The following ADGRL4 variants were observed in gnomAD, a reference collection of about 807,000 sequenced individuals.
ADGRL4 encodes EGF, latrophilin and seven transmembrane domain containing 1.
ADGRL4 carries 90 observed loss-of-function variants against 74.8 expected under a neutral mutation model. The observed-to-expected ratio is 1.20, with a 90% CI of 1.02 to 1.43. The LOEUF (loss-of-function observed/expected upper bound fraction) is 1.43. Ranked by LOEUF, ADGRL4 falls within the 40% of genes most tolerant of loss-of-function variation. ADGRL4 has a pLI of 0.00. For synonymous variants in ADGRL4, 311 were observed against 279.2 expected, an observed-to-expected ratio of 1.11 and a Z score of -1.14; for missense variants, 881 against 814.3, an observed-to-expected ratio of 1.08 and a Z score of -1.00.
intron 2 of ADGRL4, among the ~76,000 whole-genome samples, chr1:78,951,430 C>T (rs148653450): frequency 4.6e-4 from 70 of 152,258 alleles, no homozygotes; most frequent in African/African-American, 1.7e-3. Flanking sequence ...TGCCAGTAAA[C>T]TACACAGGGG....
intron 2 of ADGRL4, among the ~76,000 whole-genome samples, chr1:78,997,844 G>A (rs910063932): frequency 6.6e-6 from 1 of 152,142 alleles, no homozygotes. Flanking sequence ...AGAGATTTCA[G>A]AGTTTTCTGT....
Position 78,936,296 on chromosome 1 carries a change from A to G in ADGRL4, c.876T>C (p.Asn292=). 6.3e-7 allele frequency: 1 copy of G among 1,590,974 alleles called. No individual in the cohort carries two copies. The highest frequency in any genetic ancestry group is 8.5e-7 in the Non-Finnish European group (1 of 1,171,836). ...FPKRKAAYDS[N]GNVAVAFVYY... ...TCTGTTAGATTGTTAAAGTCCTACC[A>G]TTTGAATCATATGCAGCTTTTCTCT... Residue 292 remains asparagine (N), a splice_region_variant and synonymous_variant, in exon 7 of 15, where the codon AAT becomes AAC. Transcript: ENST00000370742.
intron 12 of ADGRL4, among the ~76,000 whole-genome samples, chr1:78,906,357 T>G (rs984656): frequency 0.039 from 5,911 of 152,122 alleles, 154 homozygotes; most frequent in Middle Eastern, 0.058. Flanking sequence ...ATAGTGGTTT[T>G]TTTTAGTGTT....
At chr1:78,908,715 G>A (rs1181420714) in intron 12 of ADGRL4, among the ~76,000 whole-genome samples, 3 of 151,870 alleles carry the variant, frequency 2.0e-5, no homozygotes, top group African/African-American at 7.2e-5. Context: ...TCAATGTAAA[G>A]CTACATTTAT....
chr1:78,954,782 A>G (rs550980786), intron 2 of ADGRL4, among the ~76,000 whole-genome samples: 28 of 152,264 alleles, frequency 1.8e-4, no homozygotes, highest in African/African-American at 6.7e-4. Flanking sequence ...ATTTTAGCTT[A>G]AAAGCTATAG....
intron 2 of ADGRL4, among the ~76,000 whole-genome samples, chr1:78,965,750 A>C (rs1040208557): frequency 2.0e-5 from 3 of 152,208 alleles, no homozygotes; most frequent in Non-Finnish European, 4.4e-5. Flanking sequence ...AGAAACCTTT[A>C]AAATGACATT....
intron 7 of ADGRL4, among the ~76,000 whole-genome samples, chr1:78,930,532 A>G (rs1462708183): frequency 1.4e-5 from 2 of 144,578 alleles, no homozygotes. Flanking sequence ...GCTCACTGCA[A>G]CCTACATCTC....
intron 2 of ADGRL4, among the ~76,000 whole-genome samples, chr1:78,990,826 T>A (rs1650593423): frequency 6.6e-6 from 1 of 151,936 alleles, no homozygotes; most frequent in Non-Finnish European, 1.5e-5. Context: ...TCTCAATAGG[T>A]TTCTGTGTTT....
chr1:78,953,443 G>A (rs761117809), intron 2 of ADGRL4, among the ~76,000 whole-genome samples: 2 of 152,086 alleles, frequency 1.3e-5, no homozygotes, highest in African/African-American at 2.4e-5. Context: ...GTTCACAAAC[G>A]AAAAACTATT....
intron 7 of ADGRL4, among the ~76,000 whole-genome samples, chr1:78,934,062 A>C (rs867192172): frequency 2.6e-5 from 4 of 152,194 alleles, no homozygotes; most frequent in Non-Finnish European, 5.9e-5. Context: ...TCACAGAATT[A>C]GAAAAAAAAT....
At chr1:78,998,184 C>G (rs1169209197) in intron 2 of ADGRL4, among the ~76,000 whole-genome samples, 1 of 151,706 alleles carries the variant, frequency 6.6e-6, no homozygotes. Context: ...CCTTTTGTGG[C>G]ATTTGACGCT....
intron 2 of ADGRL4, among the ~76,000 whole-genome samples, chr1:78,994,050 C>T (rs1650667743): frequency 6.6e-6 from 1 of 152,182 alleles, no homozygotes; most frequent in Non-Finnish European, 1.5e-5. Context: ...TTTCAGCTAA[C>T]TCTGTCTTAG....
Position 78,937,928 on chromosome 1 carries a change from T to A in ADGRL4, c.639A>T (p.Leu213Phe), listed in dbSNP as rs547315904. The change falls in exon 6 of 15, where the codon TTA (leucine) becomes TTT (phenylalanine). Residue 213 changes from leucine (L) to phenylalanine (F), a missense_variant. By Grantham distance (22) the Leu-to-Phe change is conservative. Coordinates refer to ENST00000370742, the MANE Select transcript of ADGRL4 (RefSeq NM_022159.4). ...QRDTFVVWDK[L>F]SVNHRRTHLT... ...GATGTGTTCTCCTATGATTCACAGATAACTTGTCCCAAACTACAAATGTAT... is the reference window on the plus strand; with the variant it reads ...GATGTGTTCTCCTATGATTCACAGAAAACTTGTCCCAAACTACAAATGTAT... The A allele has an allele frequency of 1.2e-5, 20 of 1,613,996 alleles. No homozygotes were observed. The South Asian group carries it at 1.8e-4, about 14-fold the overall frequency.
chr1:78,909,465 C>T (rs1006751564), intron 12 of ADGRL4, among the ~76,000 whole-genome samples: 15 of 151,806 alleles, frequency 9.9e-5, no homozygotes, highest in African/African-American at 3.6e-4. Flanking sequence ...CTACTGGCAT[C>T]TAGTGAGTAG....
intron 10 of ADGRL4, among the ~76,000 whole-genome samples, chr1:78,918,485 A>G (rs1648932443): frequency 6.6e-6 from 1 of 152,060 alleles, no homozygotes; most frequent in East Asian, 1.9e-4. Flanking sequence ...AAGAAAATAA[A>G]TATCTTAGAT....
intron 10 of ADGRL4, among the ~76,000 whole-genome samples, chr1:78,919,174 T>C (rs977021830): frequency 4.6e-5 from 7 of 152,122 alleles, no homozygotes; most frequent in African/African-American, 1.4e-4. Flanking sequence ...AACTGATTGT[T>C]AGTTTCAGTC....
rs200797250 is a variant in ADGRL4, at chr1:78,986,462, AG to A, written c.172+18607del. Among the ~76,000 whole-genome samples, 546 of 151,602 alleles carry A rather than the reference AG, an allele frequency of 3.6e-3. 4 individuals carry two copies. The highest frequency in any genetic ancestry group is 0.013 in the African/African-American group (520 of 41,430). ...GAAATACAATAAGAAAAAAGAAAAA[AG>A]AAAATTAACTGGGTGTGTTGGTACA... On this transcript the variant is annotated intron_variant, in intron 2 of 14. Coordinates refer to ENST00000370742, the MANE Select transcript of ADGRL4 (RefSeq NM_022159.4).
chr1:78,927,630 C>T (rs1160082799), intron 7 of ADGRL4, among the ~76,000 whole-genome samples: 1 of 152,050 alleles, frequency 6.6e-6, no homozygotes, highest in African/African-American at 2.4e-5. Context: ...AACTTATTTG[C>T]TTGAGAGATG....
intron 2 of ADGRL4, among the ~76,000 whole-genome samples, chr1:78,968,478 C>T (rs1039409604): frequency 3.4e-5 from 4 of 117,652 alleles, no homozygotes; most frequent in South Asian, 2.9e-4. Context: ...GATGCATAAT[C>T]GCTCTCTACT....
Sources: allele counts gnomAD v4.1 joint callset (sites outside exome capture counted in the v4.1 genomes callset), GRCh38; gene constraint gnomAD v4.1.1; transcripts MANE v1.5; gene names NCBI Gene and HGNC (gene_info 2026-07-23, HGNC 2026-07-21).